The following ATXN1 variants were observed in gnomAD, a reference collection of about 807,000 sequenced individuals.
ATXN1 encodes the protein ataxin 1.
A neutral mutation model predicts 56.4 loss-of-function variants in ATXN1; 8 were observed. The observed-to-expected ratio is 0.14, with a 90% CI of 0.08 to 0.26. The LOEUF is 0.26. Among genes scored for constraint, ATXN1 ranks in the 10% least tolerant of loss-of-function variants. The probability of loss-of-function intolerance (pLI) is 1.00; values close to 1 mark genes in which losing one functional copy is unlikely to be tolerated. For missense variants in ATXN1, 987 were observed against 1,106.5 expected (o/e 0.89, Z 1.53); for synonymous variants, 514 against 494.6 (o/e 1.04, Z -0.52).
chr6:16,614,172 GT>G (rs1483470074), intron 3 of ATXN1, among the ~76,000 whole-genome samples: 1 of 151,692 alleles, frequency 6.6e-6, no homozygotes, highest in Non-Finnish European at 1.5e-5. Flanking sequence ...GAATTTCATG[GT>G]TTTTTTGACA....
intron 3 of ATXN1, among the ~76,000 whole-genome samples, chr6:16,638,350 G>T (rs1489316577): frequency 2.6e-5 from 4 of 151,638 alleles, no homozygotes; most frequent in Non-Finnish European, 5.9e-5. Context: ...GAAGGCTCAG[G>T]TGGGAGGATC....
chr6:16,461,584 G>A (rs190889039), intron 6 of ATXN1, among the ~76,000 whole-genome samples: 1 of 152,326 alleles, frequency 6.6e-6, no homozygotes, highest in Admixed American at 6.5e-5. Flanking sequence ...TTCAATACTT[G>A]TTGGTCTGTG....
At chr6:16,369,102 C>A (rs1466519378) in intron 6 of ATXN1, among the ~76,000 whole-genome samples, 3 of 152,172 alleles carry the variant, frequency 2.0e-5, no homozygotes, top group Non-Finnish European at 4.4e-5. Context: ...GTGCCCCCTC[C>A]CAATCTTCAC....
chr6:16,585,336 T>C (rs778011638), intron 4 of ATXN1, among the ~76,000 whole-genome samples: 1 of 152,172 alleles, frequency 6.6e-6, no homozygotes, highest in Non-Finnish European at 1.5e-5. Context: ...GTTTACTCAA[T>C]GGTATACTAA....
At chr6:16,407,871 A>G (rs970270623) in intron 6 of ATXN1, among the ~76,000 whole-genome samples, 1 of 152,196 alleles carries the variant, frequency 6.6e-6, no homozygotes, top group Non-Finnish European at 1.5e-5. Flanking sequence ...AAGAAAAAGA[A>G]ACAGGCAGTG....
chr6:16,342,331 ATTC>A (rs751569228), intron 6 of ATXN1, among the ~76,000 whole-genome samples: 26 of 152,008 alleles, frequency 1.7e-4, no homozygotes, highest in African/African-American at 2.4e-4. Flanking sequence ...TGGACATTAT[ATTC>A]TTTTTTTTAA....
chr6:16,599,203 A>G (rs1047793170), intron 3 of ATXN1, among the ~76,000 whole-genome samples: 1 of 152,144 alleles, frequency 6.6e-6, no homozygotes, highest in Non-Finnish European at 1.5e-5. Context: ...ACCTCACTCT[A>G]AAGGGCCAGC....
At chr6:16,723,322 T>G (rs1371703698) in intron 2 of ATXN1, among the ~76,000 whole-genome samples, 1 of 152,222 alleles carries the variant, frequency 6.6e-6, no homozygotes. Flanking sequence ...ATAATAATTT[T>G]TGTATGATCC....
chr6:16,750,288 T>C lies in ATXN1; in HGVS notation c.-615+2945A>G, dbSNP rs535181971. Among the ~76,000 whole-genome samples the C allele has an allele frequency of 1.8e-3, 281 of 152,326 alleles. 1 individual carries two copies. Among genetic ancestry groups the C allele is most frequent in the Non-Finnish European group, 2.3e-3 (155 of 68,030 alleles). On this transcript the variant is annotated intron_variant, in intron 2 of 7. Coordinates refer to ENST00000436367, the MANE Select transcript of ATXN1 (RefSeq NM_001128164.2). ...ATTCCCACAGCACCATGCAGTAGTT[T>C]TAAAAAAATTCACAATGAATAAATG...
intron 6 of ATXN1, among the ~76,000 whole-genome samples, chr6:16,381,164 A>G (rs4716063): frequency 0.055 from 8,306 of 152,234 alleles, 312 homozygotes; most frequent in South Asian, 0.083. Context: ...GCGGGCGCCT[A>G]TAATTCCAGC....
chr6:16,642,743 C>G (rs1763728064), intron 3 of ATXN1, among the ~76,000 whole-genome samples: 1 of 152,134 alleles, frequency 6.6e-6, no homozygotes, highest in Non-Finnish European at 1.5e-5. Flanking sequence ...ACGTAAAGAC[C>G]CTTTACCAAC....
intron 6 of ATXN1, among the ~76,000 whole-genome samples, chr6:16,392,281 C>G (rs1216641804): frequency 6.6e-6 from 1 of 152,158 alleles, no homozygotes; most frequent in Non-Finnish European, 1.5e-5. Flanking sequence ...AAAGACAGAA[C>G]TTGGCTTCCC....
At chr6:16,591,627 A>G (rs1762724758) in intron 3 of ATXN1, among the ~76,000 whole-genome samples, 1 of 151,980 alleles carries the variant, frequency 6.6e-6, no homozygotes, top group Non-Finnish European at 1.5e-5. Context: ...GCTCCCATAC[A>G]TATTGTATTT....
intron 3 of ATXN1, among the ~76,000 whole-genome samples, chr6:16,620,262 AACACACACACACACACACACAC>A (rs60586256): frequency 1.5e-5 from 2 of 137,496 alleles, no homozygotes; most frequent in East Asian, 2.1e-4. Context: ...CTGTCTCTCA[AACACACACACACACACACACAC>A]ACACACACAC....
intron 3 of ATXN1, among the ~76,000 whole-genome samples, chr6:16,618,900 A>T (rs1225077606): frequency 1.3e-5 from 2 of 152,214 alleles, no homozygotes; most frequent in Non-Finnish European, 2.9e-5. Flanking sequence ...TTAAACAAAG[A>T]GTTAATATCC....
intron 4 of ATXN1, among the ~76,000 whole-genome samples, chr6:16,537,733 A>G (rs975553030): frequency 6.8e-6 from 1 of 147,994 alleles, no homozygotes; most frequent in East Asian, 2.0e-4. Flanking sequence ...GAAAAAAAGA[A>G]AAAAAAAAAG....
At chr6:16,323,964 T>A (rs1374532987) in intron 7 of ATXN1, among the ~76,000 whole-genome samples, 2 of 152,112 alleles carry the variant, frequency 1.3e-5, no homozygotes, top group Non-Finnish European at 2.9e-5. Context: ...TTTGGGGAAA[T>A]CTTTCTTGGG....
At chr6:16,743,190 A>G (rs1241417975) in intron 2 of ATXN1, among the ~76,000 whole-genome samples, 2 of 152,264 alleles carry the variant, frequency 1.3e-5, no homozygotes, top group Admixed American at 6.5e-5. Flanking sequence ...AATTTCAATA[A>G]TAATAGTGTT....
intron 2 of ATXN1, among the ~76,000 whole-genome samples, chr6:16,670,895 C>T (rs1204474602): frequency 1.3e-5 from 2 of 152,212 alleles, no homozygotes; most frequent in Non-Finnish European, 2.9e-5. Flanking sequence ...ACCACAACCA[C>T]ATGCCAACAA....
Sources: allele counts gnomAD v4.1 joint callset (sites outside exome capture counted in the v4.1 genomes callset), GRCh38; gene constraint gnomAD v4.1.1; transcripts MANE v1.5; gene names NCBI Gene and HGNC (gene_info 2026-07-23, HGNC 2026-07-21).